AJAP1: variants seen among roughly 807,000 people sequenced by gnomAD.
The protein encoded by AJAP1 is adherens junction-associated protein 1.
Under a neutral mutation model 35.0 loss-of-function variants are expected in AJAP1, and 5 were observed. The ratio of observed to expected loss-of-function variants is 0.14; its 90% CI spans 0.07 to 0.30. The LOEUF (loss-of-function observed/expected upper bound fraction) is 0.30, where lower values mean the gene tolerates loss of function less well. AJAP1 is among the 10% of genes least tolerant of loss of function. AJAP1 has a pLI of 1.00. For synonymous variants in AJAP1, 284 were observed against 249.3 expected (o/e 1.14, Z -1.31); for missense variants, 586 against 571.0 (o/e 1.03, Z -0.27).
intron 2 of AJAP1, among the ~76,000 whole-genome samples, chr1:4,752,457 C>T (rs887897449): frequency 1.3e-5 from 2 of 152,198 alleles, no homozygotes; most frequent in Non-Finnish European, 2.9e-5. Context: ...CCCATACCTT[C>T]TCTGTGAGCC....
chr1:4,733,244 A>G (rs1276214157), intron 2 of AJAP1, among the ~76,000 whole-genome samples: 1 of 151,712 alleles, frequency 6.6e-6, no homozygotes, highest in Non-Finnish European at 1.5e-5. Flanking sequence ...CCGCCTTCAG[A>G]TGATCTGCAT....
At chr1:4,773,173 G>A (rs544735950) in intron 4 of AJAP1, among the ~76,000 whole-genome samples, 1 of 152,210 alleles carries the variant, frequency 6.6e-6, no homozygotes, top group South Asian at 2.1e-4. Context: ...TATGCATCAT[G>A]TTGTAAATTA....
At chr1:4,661,657 A>T (rs1238528071) in intron 1 of AJAP1, among the ~76,000 whole-genome samples, 1 of 152,230 alleles carries the variant, frequency 6.6e-6, no homozygotes, top group African/African-American at 2.4e-5. Context: ...CAAAATTTTC[A>T]AACAACAACA....
At chr1:4,673,145 G>A (rs1020717850) in intron 1 of AJAP1, among the ~76,000 whole-genome samples, 6 of 152,320 alleles carry the variant, frequency 3.9e-5, no homozygotes, top group Non-Finnish European at 7.4e-5. Context: ...CTTCATGTCA[G>A]CCCAGTGAGA....
At chr1:4,743,781 G>T (rs141064990) in intron 2 of AJAP1, among the ~76,000 whole-genome samples, 1 of 152,174 alleles carries the variant, frequency 6.6e-6, no homozygotes, top group Non-Finnish European at 1.5e-5. Context: ...GGGGGGTCTC[G>T]CCGAGAACAA....
At chr1:4,658,351 G>A (rs981479161) in intron 1 of AJAP1, among the ~76,000 whole-genome samples, 2 of 152,192 alleles carry the variant, frequency 1.3e-5, no homozygotes, top group Non-Finnish European at 2.9e-5. Context: ...CTCTCAGTGC[G>A]CGCTGTACCA....
In AJAP1 at chr1:4,693,055, AGCTGT is replaced by A. The variant is rs1639779658; in HGVS notation, c.30-18841_30-18837del. 1.3e-5 allele frequency among the ~76,000 whole-genome samples: 2 copies of A among 152,346 alleles called. No homozygotes were observed. Among genetic ancestry groups the A allele is most frequent in the Non-Finnish European group, 2.9e-5 (2 of 68,026 alleles). Reference sequence around the variant, plus strand: ...ATTGAGCTTCATAAATGCCCACCTCAGCTGTGCTTTACAGTTTCCTGGAAGCCACC... The same window carrying A: ...ATTGAGCTTCATAAATGCCCACCTCAGCTTTACAGTTTCCTGGAAGCCACC... On this transcript the variant is annotated intron_variant, in intron 1 of 5. Transcript: ENST00000378191. This position sits in a 1 kb window ranked among gnomAD's most constrained non-coding sequence, Gnocchi z 4.4.
At chr1:4,768,379 A>AC (rs1215702651) in intron 2 of AJAP1, among the ~76,000 whole-genome samples, 1 of 151,926 alleles carries the variant, frequency 6.6e-6, no homozygotes, top group African/African-American at 2.4e-5. Flanking sequence ...AACAAAAATT[A>AC]CCCCCAGAGA....
At chr1:4,740,893 A>G (rs1293098348) in intron 2 of AJAP1, among the ~76,000 whole-genome samples, 1 of 151,942 alleles carries the variant, frequency 6.6e-6, no homozygotes, top group Non-Finnish European at 1.5e-5. Context: ...CTGCCAGAAT[A>G]AGCTTCCTGC....
intron 2 of AJAP1, among the ~76,000 whole-genome samples, chr1:4,745,374 A>G (rs371605): frequency 0.9 from 136,321 of 152,024 alleles, 62,196 homozygotes; most frequent in African/African-American, 0.94. Flanking sequence ...TTTCTCCCCC[A>G]TTACCAGCCT....
chr1:4,755,643 G>C (rs1054303038), intron 2 of AJAP1, among the ~76,000 whole-genome samples: 1 of 150,868 alleles, frequency 6.6e-6, no homozygotes, highest in African/African-American at 2.5e-5. Context: ...TATTCAATGA[G>C]ACTTGTTAGA....
At chr1:4,770,347 G>T (rs1641807693) in intron 3 of AJAP1, among the ~76,000 whole-genome samples, 1 of 152,192 alleles carries the variant, frequency 6.6e-6, no homozygotes, top group Admixed American at 6.5e-5. Context: ...ACTCAGGCTT[G>T]GTGGCCGGTT....
chr1:4,779,231 G>A (rs1209288702), intron 5 of AJAP1, among the ~76,000 whole-genome samples: 1 of 152,204 alleles, frequency 6.6e-6, no homozygotes, highest in Admixed American at 6.5e-5. Context: ...GGAACGTAGA[G>A]AGGAAGAAGA....
chr1:4,760,697 C>G (rs1641545809), intron 2 of AJAP1, among the ~76,000 whole-genome samples: 1 of 152,210 alleles, frequency 6.6e-6, no homozygotes, highest in Non-Finnish European at 1.5e-5. Context: ...CGCCTGTAAC[C>G]CATTTCATAG....
At chr1:4,749,425 A>G (rs1052058046) in intron 2 of AJAP1, among the ~76,000 whole-genome samples, 1 of 152,196 alleles carries the variant, frequency 6.6e-6, no homozygotes, top group African/African-American at 2.4e-5. Flanking sequence ...GTAAAAAGCG[A>G]GACACGAGAC....
intron 1 of AJAP1, among the ~76,000 whole-genome samples, chr1:4,671,991 C>T (rs146040572): frequency 3.3e-5 from 5 of 152,206 alleles, no homozygotes; most frequent in African/African-American, 9.7e-5. Context: ...GCCCTGCAGA[C>T]CCTCACCCAC....
intron 1 of AJAP1, among the ~76,000 whole-genome samples, chr1:4,702,556 G>A (rs1019584472): frequency 1.3e-5 from 2 of 152,208 alleles, no homozygotes; most frequent in African/African-American, 2.4e-5. Flanking sequence ...GGCATTATCA[G>A]CTTAAGGAAA....
chr1:4,694,043 T>C (rs7528195), intron 1 of AJAP1, among the ~76,000 whole-genome samples: 96,406 of 152,082 alleles, frequency 0.63, 30,969 homozygotes, highest in South Asian at 0.73. Flanking sequence ...GGTAGACCCG[T>C]GTTGGGGCTG....
intron 1 of AJAP1, among the ~76,000 whole-genome samples, chr1:4,668,990 G>A (rs1639195384): frequency 6.6e-6 from 1 of 152,210 alleles, no homozygotes; most frequent in Admixed American, 6.5e-5. Flanking sequence ...GTCAATGAGA[G>A]GGACCTAGAT....
Sources: allele counts gnomAD v4.1 joint callset (sites outside exome capture counted in the v4.1 genomes callset), GRCh38; gene constraint gnomAD v4.1.1; non-coding constraint Gnocchi (gnomAD v3.1); transcripts MANE v1.5; gene names NCBI Gene and HGNC (gene_info 2026-07-23, HGNC 2026-07-21).